The following SH3PXD2A variants were observed in gnomAD, a reference collection of about 807,000 sequenced individuals.
SH3PXD2A encodes SH3 and PX domain-containing protein 2A.
Under a neutral mutation model 115.2 loss-of-function variants are expected in SH3PXD2A, and 32 were observed. The ratio of observed to expected loss-of-function variants is 0.28; its 90% CI spans 0.21 to 0.37. The LOEUF is 0.37. SH3PXD2A is among the 10% of genes least tolerant of loss of function. SH3PXD2A has a pLI of 1.00. For missense variants in SH3PXD2A, 1,328 were observed against 1,498.7 expected, an observed-to-expected ratio of 0.89 and a Z score of 1.88; for synonymous variants, 610 against 629.1, an observed-to-expected ratio of 0.97 and a Z score of 0.45.
At chr10:103,795,678 T>C (rs1370837596) in intron 2 of SH3PXD2A, among the ~76,000 whole-genome samples, 1 of 152,194 alleles carries the variant, frequency 6.6e-6, no homozygotes, top group Admixed American at 6.5e-5. Flanking sequence ...TTGTTACATC[T>C]GGAATGGTGT....
intron 7 of SH3PXD2A, among the ~76,000 whole-genome samples, chr10:103,663,912 C>T (rs1204333875): frequency 1.3e-5 from 2 of 152,254 alleles, no homozygotes; most frequent in Non-Finnish European, 2.9e-5. Flanking sequence ...CGTGCACAGT[C>T]CCGAGCAGCC....
chr10:103,836,612 C>A (rs546251510), intron 1 of SH3PXD2A, among the ~76,000 whole-genome samples: 1 of 151,582 alleles, frequency 6.6e-6, no homozygotes, highest in African/African-American at 2.4e-5. Context: ...AACCCCCACA[C>A]AGACATGTCC....
chr10:103,841,878 A>G (rs958651485), intron 1 of SH3PXD2A, among the ~76,000 whole-genome samples: 1 of 152,122 alleles, frequency 6.6e-6, no homozygotes, highest in South Asian at 2.1e-4. Context: ...TAATCCCAGC[A>G]CTCTGGGAGG....
chr10:103,613,152 A>G lies in SH3PXD2A; in HGVS notation c.959T>C (p.Leu320Pro). The G allele has an allele frequency of 6.2e-7, 1 of 1,610,752 alleles. No homozygotes were observed. The highest frequency in any genetic ancestry group is 8.5e-7 in the Non-Finnish European group (1 of 1,178,844). ...GKEGWAPASY[L>P]KKAKDDLPTR... is the part of the protein sequence containing the mutation. ...TGGCAGGTCATCCTTGGCCTTCTTCAGGTAGGATGCTGGCGCCCAGCCCTC... is the reference window on the plus strand; with the variant it reads ...TGGCAGGTCATCCTTGGCCTTCTTCGGGTAGGATGCTGGCGCCCAGCCCTC... Residue 320 changes from leucine (L) to proline (P), a missense_variant, in exon 12 of 15, where the codon CTG (leucine) becomes CCG (proline). Leu to Pro is a moderately conservative substitution (Grantham distance 98, BLOSUM62 -3). Transcript: ENST00000369774.
At chr10:103,607,414 C>G (rs1172445033) in intron 13 of SH3PXD2A, among the ~76,000 whole-genome samples, 4 of 151,554 alleles carry the variant, frequency 2.6e-5, no homozygotes, top group Admixed American at 2.6e-4. Flanking sequence ...GGGGGTCAGC[C>G]CCCGCCAGGC....
At chr10:103,606,657 A>G (rs965591813) in intron 13 of SH3PXD2A, among the ~76,000 whole-genome samples, 48 of 151,756 alleles carry the variant, frequency 3.2e-4, no homozygotes, top group Admixed American at 9.2e-4. Flanking sequence ...GCCATGCCTG[A>G]CTGGTTTTCG....
chr10:103,804,480 C>A (rs1382631374), intron 1 of SH3PXD2A, among the ~76,000 whole-genome samples: 11 of 151,804 alleles, frequency 7.2e-5, no homozygotes, highest in Admixed American at 7.2e-4. Context: ...CGCCACCACG[C>A]CCGGCTAATT....
chr10:103,707,097 C>T (rs1246363691), intron 5 of SH3PXD2A, among the ~76,000 whole-genome samples: 1 of 152,194 alleles, frequency 6.6e-6, no homozygotes, highest in Non-Finnish European at 1.5e-5. Flanking sequence ...CTCCTTCACC[C>T]CTCTCCCTGA....
chr10:103,821,395 C>T (rs968948811), intron 1 of SH3PXD2A, among the ~76,000 whole-genome samples: 2 of 152,172 alleles, frequency 1.3e-5, no homozygotes, highest in African/African-American at 2.4e-5. Context: ...TTCCAAAGTG[C>T]TGCGATTACA....
Position 103,660,976 on chromosome 10 carries a change from C to T in SH3PXD2A, c.604+7G>A. 6.2e-7 allele frequency: 1 copy of T among 1,613,686 alleles called. No homozygotes were observed. The highest frequency in any genetic ancestry group is 8.5e-7 in the Non-Finnish European group (1 of 1,179,808). On this transcript the variant is annotated splice_region_variant and intron_variant, in intron 8 of 14. Transcript: ENST00000369774. ...CCCAGTGGACGGCCATTGGCCAGGG[C>T]ACTCACCGCTCTCGTTCTTCTCGAT...
At chr10:103,634,995 C>T (rs558388772) in intron 8 of SH3PXD2A, among the ~76,000 whole-genome samples, 17 of 152,274 alleles carry the variant, frequency 1.1e-4, no homozygotes, top group Admixed American at 5.2e-4. Context: ...AGGGTCAGCA[C>T]CCACGGGTGG....
At chr10:103,706,369 G>A (rs1050152979) in intron 5 of SH3PXD2A, among the ~76,000 whole-genome samples, 1 of 152,220 alleles carries the variant, frequency 6.6e-6, no homozygotes, top group Non-Finnish European at 1.5e-5. Context: ...TCTCAGCAGA[G>A]GTTTTTTAAG....
intron 5 of SH3PXD2A, among the ~76,000 whole-genome samples, chr10:103,714,427 C>T (rs2134160507): frequency 6.6e-6 from 1 of 152,344 alleles, no homozygotes; most frequent in East Asian, 1.9e-4. Flanking sequence ...GTCATCTTCT[C>T]TCCCTGGACA....
intron 1 of SH3PXD2A, among the ~76,000 whole-genome samples, chr10:103,837,893 G>A (rs1366194475): frequency 6.6e-6 from 1 of 152,030 alleles, no homozygotes; most frequent in East Asian, 1.9e-4. Flanking sequence ...GGAAAGAGTG[G>A]GAAAGGCCAG....
At chr10:103,696,649 C>A (rs2037828437) in intron 5 of SH3PXD2A, among the ~76,000 whole-genome samples, 1 of 152,160 alleles carries the variant, frequency 6.6e-6, no homozygotes, top group South Asian at 2.1e-4. Flanking sequence ...ATCATATCGG[C>A]CAGGGAGCCA....
Position 103,784,897 on chromosome 10 carries a change from G to A in SH3PXD2A, c.153+16385C>T, listed in dbSNP as rs1422296695. Among the ~76,000 whole-genome samples the A allele has an allele frequency of 1.3e-5, 2 of 152,172 alleles. No individual in the cohort carries two copies. Among genetic ancestry groups the A allele is most frequent in the Non-Finnish European group, 2.9e-5 (2 of 68,030 alleles). On this transcript the variant is annotated intron_variant, in intron 2 of 14. Coordinates refer to ENST00000369774, the MANE Select transcript of SH3PXD2A (RefSeq NM_001394015.1). This position sits in a 1 kb window ranked among gnomAD's most constrained non-coding sequence, Gnocchi z 4.4. ...GGCTTACACGCAGAGACACCTGGGAGCGGCAGCCTACTAGGCGTGTCTGCT... is the reference window on the plus strand; with the variant it reads ...GGCTTACACGCAGAGACACCTGGGAACGGCAGCCTACTAGGCGTGTCTGCT...
rs1444090329 is a variant in SH3PXD2A, at chr10:103,814,017, AAC to A, written c.73-12657_73-12656del. Among the ~76,000 whole-genome samples, 18 of 35,556 alleles carry A rather than the reference AAC, an allele frequency of 5.1e-4. No individual in the cohort carries two copies. In the South Asian group the frequency reaches 6.3e-3, roughly 12 times the overall value. The allele number at this position is 35,556 out of a possible 152,430, so 23.3% of individuals were successfully genotyped here. On this transcript the variant is annotated intron_variant, in intron 1 of 14. Coordinates refer to ENST00000369774, the MANE Select transcript of SH3PXD2A (RefSeq NM_001394015.1). ...GACTAGCTAAAAAAAAAAAAAAAAC[AAC>A]AAAAAAAAAACCACACCCTTTTAAT... is the stretch of plus-strand genomic sequence containing the variant.
rs758091143 is a variant in SH3PXD2A, at chr10:103,602,972, CAGG to C, written c.2243_2245del (p.Ser748del). ...CCGGACCGATGGCTTGGCCCGGGGA[CAGG>C]AGGTCAGCCCAGCGTTCGCATCAGC... On this transcript the variant is annotated inframe_deletion, in exon 15 of 15. Transcript: ENST00000369774. 5.6e-6 allele frequency: 9 copies of C among 1,614,222 alleles called. No individual in the cohort carries two copies. The highest frequency in any genetic ancestry group is 1.1e-5 in the South Asian group (1 of 91,078).
At chr10:103,824,245 T>C (rs2039408270) in intron 1 of SH3PXD2A, among the ~76,000 whole-genome samples, 1 of 152,160 alleles carries the variant, frequency 6.6e-6, no homozygotes, top group Non-Finnish European at 1.5e-5. Context: ...GATTTCCTCG[T>C]CTTTAAAATG....
Sources: allele counts gnomAD v4.1 joint callset (sites outside exome capture counted in the v4.1 genomes callset), GRCh38; gene constraint gnomAD v4.1.1; non-coding constraint Gnocchi (gnomAD v3.1); transcripts MANE v1.5; gene names NCBI Gene and HGNC (gene_info 2026-07-23, HGNC 2026-07-21).